The following PACSIN2 variants were observed in gnomAD, a reference collection of about 807,000 sequenced individuals.
The protein encoded by PACSIN2 is protein kinase C and casein kinase substrate in neurons protein 2.
Under a neutral mutation model 63.8 loss-of-function variants are expected in PACSIN2, and 25 were observed. The ratio of observed to expected loss-of-function variants is 0.39; its 90% CI spans 0.29 to 0.55. The LOEUF (loss-of-function observed/expected upper bound fraction) is 0.55, where lower values mean the gene tolerates loss of function less well. PACSIN2 is among the 20% of genes least tolerant of loss of function. The pLI, the probability that PACSIN2 is intolerant of heterozygous loss-of-function variation, is 0.62. For missense variants in PACSIN2, 518 were observed against 646.9 expected (o/e 0.80, Z 2.16); for synonymous variants, 255 against 256.2 (o/e 1.00, Z 0.05).
intron 1 of PACSIN2, among the ~76,000 whole-genome samples, chr22:42,925,886 A>G (rs1466448628): frequency 6.6e-6 from 1 of 151,968 alleles, no homozygotes; most frequent in East Asian, 1.9e-4. Context: ...TGGGCCCTCT[A>G]TGTCACCAGC....
chr22:42,991,640 G>A (rs1279826011), intron 1 of PACSIN2, among the ~76,000 whole-genome samples: 2 of 152,178 alleles, frequency 1.3e-5, no homozygotes, highest in African/African-American at 4.8e-5. Flanking sequence ...TCCCAGGTGC[G>A]ATAAAGAGAA....
At position 42,971,740 on chromosome 22, in the gene PACSIN2, G is replaced by A. The variant is rs8135586; in HGVS notation, c.-78+43281C>T. Among the ~76,000 whole-genome samples the A allele has an allele frequency of 6.5e-3, 983 of 151,552 alleles. 11 individuals carry two copies. The highest frequency in any genetic ancestry group is 0.023 in the African/African-American group (947 of 41,196). ...TGAGGAGCATCTCTGTCCGGCAGCC[G>A]CCCCGTCCGGGAGGTGGGGGGTAGC... On this transcript the variant is annotated intron_variant, in intron 1 of 10. Coordinates refer to ENST00000263246, the MANE Select transcript of PACSIN2 (RefSeq NM_001184970.3).
At chr22:42,974,051 C>T (rs1050514278) in intron 1 of PACSIN2, among the ~76,000 whole-genome samples, 1 of 152,184 alleles carries the variant, frequency 6.6e-6, no homozygotes, top group Non-Finnish European at 1.5e-5. Flanking sequence ...ATAAAAAGGA[C>T]CAGCATCTCC....
At chr22:42,987,449 A>AACACACACACACACAC (rs745523623) in intron 1 of PACSIN2, among the ~76,000 whole-genome samples, 3 of 87,088 alleles carry the variant, frequency 3.4e-5, no homozygotes, top group Admixed American at 1.5e-4. Context: ...GTCCAGGAGC[A>AACACACACACACACAC]ACACACACAC....
At chr22:42,924,090 T>C (rs1465786699) in intron 1 of PACSIN2, among the ~76,000 whole-genome samples, 2 of 149,996 alleles carry the variant, frequency 1.3e-5, no homozygotes, top group African/African-American at 4.9e-5. Flanking sequence ...CTTTGTTTCA[T>C]GAATGGCCCC....
At chr22:42,965,090 C>A (rs1330350710) in intron 1 of PACSIN2, among the ~76,000 whole-genome samples, 1 of 152,194 alleles carries the variant, frequency 6.6e-6, no homozygotes, top group African/African-American at 2.4e-5. Flanking sequence ...AGCTGAAAAC[C>A]ACTCGGCAAT....
chr22:42,972,429 C>T (rs1349355166), intron 1 of PACSIN2, among the ~76,000 whole-genome samples: 2 of 152,220 alleles, frequency 1.3e-5, no homozygotes, highest in Non-Finnish European at 2.9e-5. Context: ...TGTTTATCTG[C>T]TGACCTTCCC....
chr22:43,007,690 T>C (rs1924184295), intron 1 of PACSIN2, among the ~76,000 whole-genome samples: 1 of 152,222 alleles, frequency 6.6e-6, no homozygotes, highest in Admixed American at 6.5e-5. Flanking sequence ...TGCAGTACTT[T>C]GTACACACTA....
At chr22:43,008,472 A>C (rs555999251) in intron 1 of PACSIN2, among the ~76,000 whole-genome samples, 2 of 152,300 alleles carry the variant, frequency 1.3e-5, no homozygotes, top group African/African-American at 4.8e-5. Context: ...GCTGGTCTCA[A>C]ACTCCTGACC....
intron 1 of PACSIN2, among the ~76,000 whole-genome samples, chr22:42,921,176 G>C (rs977912889): frequency 6.6e-6 from 1 of 151,910 alleles, no homozygotes; most frequent in Admixed American, 6.6e-5. Flanking sequence ...TGGCTAACAC[G>C]GTGAAACCCT....
chr22:43,002,166 G>C (rs373962563), intron 1 of PACSIN2: 1 of 152,324 alleles, frequency 6.6e-6, no homozygotes, highest in African/African-American at 2.4e-5. Flanking sequence ...ACCCCCATGA[G>C]AGCAGCATCT....
At chr22:42,904,448 G>A (rs1173118312) in intron 2 of PACSIN2, among the ~76,000 whole-genome samples, 1 of 152,208 alleles carries the variant, frequency 6.6e-6, no homozygotes, top group Admixed American at 6.5e-5. Flanking sequence ...CACTGATGCA[G>A]GCATCACCTT....
intron 1 of PACSIN2, among the ~76,000 whole-genome samples, chr22:42,964,416 T>C (rs1337969600): frequency 3.3e-5 from 3 of 90,092 alleles, no homozygotes; most frequent in African/African-American, 1.8e-4. Context: ...AGACTCCGTC[T>C]GGAAAAAAAA....
intron 2 of PACSIN2, among the ~76,000 whole-genome samples, chr22:42,894,255 T>G (rs1309422679): frequency 6.6e-6 from 1 of 151,866 alleles, no homozygotes; most frequent in Non-Finnish European, 1.5e-5. Flanking sequence ...CAATTGTTTT[T>G]TTTTTTGAGA....
At chr22:42,883,832 C>G (rs1378066975) in intron 6 of PACSIN2, among the ~76,000 whole-genome samples, 2 of 152,160 alleles carry the variant, frequency 1.3e-5, no homozygotes, top group African/African-American at 4.8e-5. Context: ...GGTGAAACCC[C>G]ATCTCTACTA....
chr22:42,897,739 T>G (rs920718766), intron 2 of PACSIN2, among the ~76,000 whole-genome samples: 3 of 152,058 alleles, frequency 2.0e-5, no homozygotes, highest in Non-Finnish European at 4.4e-5. Context: ...ACTGGGGCAC[T>G]AGGAGGAGGG....
intron 10 of PACSIN2, among the ~76,000 whole-genome samples, chr22:42,874,813 A>G (rs4822213): frequency 0.43 from 65,085 of 150,810 alleles, 14,566 homozygotes; most frequent in Non-Finnish European, 0.48. Context: ...CTGGCTTGGC[A>G]GCACCTCACT....
At position 42,947,418 on chromosome 22, in the gene PACSIN2, A is replaced by AGG. The variant is rs1933472251; in HGVS notation, c.-77-35262_-77-35261insCC. ...CTAGAAGCAGGACTTCCTGTCACAC[A>AGG]AAGGGCCTCTGTGGCCCTTTGTCCA... On this transcript the variant is annotated intron_variant, in intron 1 of 10. Transcript: ENST00000263246. Among the ~76,000 whole-genome samples, 6 of 152,178 alleles carry AGG rather than the reference A, an allele frequency of 3.9e-5. No homozygotes were observed. In the South Asian group the frequency reaches 1.2e-3, roughly 32 times the overall value.
chr22:42,895,523 C>A (rs5759015), intron 2 of PACSIN2, among the ~76,000 whole-genome samples: 68,424 of 152,006 alleles, frequency 0.45, 15,953 homozygotes, highest in Non-Finnish European at 0.48. Flanking sequence ...TTCAGAACCA[C>A]TGGTTAAAGG....
Sources: allele counts gnomAD v4.1 joint callset (sites outside exome capture counted in the v4.1 genomes callset), GRCh38; gene constraint gnomAD v4.1.1; transcripts MANE v1.5; gene names NCBI Gene and HGNC (gene_info 2026-07-23, HGNC 2026-07-21).